Variants in NEK1 observed in about 807,000 individuals in gnomAD.
NEK1 encodes the protein serine/threonine-protein kinase Nek1.
Under a neutral mutation model 182.1 loss-of-function variants are expected in NEK1, and 137 were observed. That is an observed-to-expected ratio of 0.75 (90% CI 0.65 to 0.87). The LOEUF (loss-of-function observed/expected upper bound fraction) is 0.87. Among genes scored for constraint, NEK1 ranks in the 40% least tolerant of loss-of-function variants. The pLI, the probability that NEK1 is intolerant of heterozygous loss-of-function variation, is 0.00. For missense variants in NEK1, 1,391 were observed against 1,494.4 expected (o/e 0.93, Z 1.14); for synonymous variants, 513 against 492.2 (o/e 1.04, Z -0.56).
chr4:169,561,088 G>A (rs1322905747), intron 16 of NEK1, among the ~76,000 whole-genome samples: 2 of 152,202 alleles, frequency 1.3e-5, no homozygotes, highest in Non-Finnish European at 2.9e-5. Context: ...GGAATGGATG[G>A]TGATGAAGTT....
intron 16 of NEK1, among the ~76,000 whole-genome samples, chr4:169,560,138 G>C (rs890599285): frequency 6.6e-6 from 1 of 152,142 alleles, no homozygotes; most frequent in Non-Finnish European, 1.5e-5. Context: ...TATAATCTCA[G>C]TTCCCCTGGC....
In NEK1 at chr4:169,482,481, C is replaced by CT. The variant is rs913643124; in HGVS notation, c.2008-2948dup. ...CTAATTTTTCTTTCTTTCTTTCTTTCTTTTTTTTTTTTTAGAGACAGGTTC... is the reference window on the plus strand; with the variant it reads ...CTAATTTTTCTTTCTTTCTTTCTTTCTTTTTTTTTTTTTTAGAGACAGGTTC... On this transcript the variant is annotated intron_variant, in intron 23 of 35. Coordinates refer to ENST00000507142, the MANE Select transcript of NEK1 (RefSeq NM_001199397.3). 9.8e-3 allele frequency among the ~76,000 whole-genome samples: 1,392 copies of CT among 141,734 alleles called. 18 individuals are homozygous for CT. Among genetic ancestry groups the CT allele is most frequent in the African/African-American group, 0.029 (1,104 of 38,544 alleles). The allele number at this position is 141,734 out of a possible 152,430, so 93.0% of individuals were successfully genotyped here.
chr4:169,464,637 T>C (rs1744594778), intron 26 of NEK1, among the ~76,000 whole-genome samples: 2 of 151,984 alleles, frequency 1.3e-5, no homozygotes, highest in South Asian at 4.1e-4. Flanking sequence ...TTCTATAAAA[T>C]CTTTATGTGA....
At chr4:169,451,000 AACAG>A (rs948526085) in intron 27 of NEK1, among the ~76,000 whole-genome samples, 1 of 152,226 alleles carries the variant, frequency 6.6e-6, no homozygotes, top group Admixed American at 6.5e-5. Flanking sequence ...TCTCTGATAA[AACAG>A]ACTTTAAAGC....
At chr4:169,429,613 C>T (rs1561172020) in intron 29 of NEK1, among the ~76,000 whole-genome samples, 2 of 151,972 alleles carry the variant, frequency 1.3e-5, no homozygotes, top group Non-Finnish European at 2.9e-5. Context: ...CTTGCCCTGC[C>T]TTTTACTCAC....
At chr4:169,555,685 C>G in intron 18 of NEK1, 35 bp downstream of exon 18, 1 of 1,613,164 alleles carries the variant, frequency 6.2e-7, no homozygotes, top group Non-Finnish European at 8.5e-7. Context: ...CAAAATTACA[C>G]ACATGGATGA....
chr4:169,401,891 C>G, intron 32 of NEK1, 31 bp from the exon 33 acceptor site: 1 of 1,545,666 alleles, frequency 6.5e-7, no homozygotes, highest in Non-Finnish European at 8.8e-7. Flanking sequence ...CTAAAAGTTT[C>G]AAACATACTG....
chr4:169,477,272 A>G lies in NEK1; in HGVS notation c.2286T>C (p.Asp762=), dbSNP rs1255448663. 1 of 1,597,002 alleles carries G rather than the reference A, an allele frequency of 6.3e-7. No homozygotes were observed. The highest frequency in any genetic ancestry group is 1.7e-5 in the Admixed American group (1 of 57,782). ...CTTCATGAACATTTATCTCAAAAGT[A>G]TCAGAGAGATTCTGCTTTCCTTTTT... ...EDEKGKQNLS[D]TFEINVHEDA... The change falls in exon 26 of 36, where the codon GAT becomes GAC. Residue 762 remains aspartate, a synonymous_variant. Transcript: ENST00000507142.
At chr4:169,599,348 C>T (rs927217341) in intron 4 of NEK1, among the ~76,000 whole-genome samples, 151 bp from the exon 5 acceptor site, 5 of 152,132 alleles carry the variant, frequency 3.3e-5, no homozygotes, top group Non-Finnish European at 5.9e-5. Flanking sequence ...CAAGGTATAC[C>T]GGTCACAAAG....
At chr4:169,544,924 A>C (rs1760125463) in intron 18 of NEK1, among the ~76,000 whole-genome samples, 1 of 151,778 alleles carries the variant, frequency 6.6e-6, no homozygotes, top group African/African-American at 2.4e-5. Context: ...TCTTTAAAAA[A>C]AAACCAGCTC....
At chr4:169,600,891 T>C (rs1300832923) in intron 4 of NEK1, among the ~76,000 whole-genome samples, 1 of 152,208 alleles carries the variant, frequency 6.6e-6, no homozygotes, top group Non-Finnish European at 1.5e-5. Context: ...CACACAGATG[T>C]TTCTATGTGA....
At chr4:169,440,852 G>A (rs1354029820) in intron 27 of NEK1, among the ~76,000 whole-genome samples, 2 of 152,180 alleles carry the variant, frequency 1.3e-5, no homozygotes, top group African/African-American at 4.8e-5. Flanking sequence ...TTCTAGAGAG[G>A]AAGTTTGTGC....
intron 19 of NEK1, among the ~76,000 whole-genome samples, chr4:169,515,575 A>G: frequency 7.0e-6 from 1 of 142,036 alleles, no homozygotes; most frequent in Non-Finnish European, 1.5e-5. Flanking sequence ...ATATGTATAC[A>G]TGTGCCATGC....
At chr4:169,405,191 T>A (rs1026310633) in intron 32 of NEK1, among the ~76,000 whole-genome samples, 3 of 152,198 alleles carry the variant, frequency 2.0e-5, no homozygotes, top group Non-Finnish European at 1.5e-5. Flanking sequence ...AGAATGTGCT[T>A]ACACAAACCT....
At chr4:169,553,386 A>C (rs1761705871) in intron 18 of NEK1, among the ~76,000 whole-genome samples, 1 of 152,236 alleles carries the variant, frequency 6.6e-6, no homozygotes, top group Non-Finnish European at 1.5e-5. Flanking sequence ...CTAAAGATAA[A>C]ACATTAAACT....
At chr4:169,503,357 G>C (rs1045505432) in intron 23 of NEK1, among the ~76,000 whole-genome samples, 11 of 151,356 alleles carry the variant, frequency 7.3e-5, no homozygotes, top group Admixed American at 5.3e-4. Flanking sequence ...TTATTTTTTT[G>C]TAAAAAATAA....
At position 169,602,694 on chromosome 4, in the gene NEK1, A is replaced by G. The variant is rs1581094044; in HGVS notation, c.-48-16T>C. The G allele has an allele frequency of 1.2e-6, 1 of 843,906 alleles. No homozygotes were observed. The highest frequency in any genetic ancestry group is 2.5e-5 in the East Asian group (1 of 40,362). 52.3% of individuals were successfully genotyped at this position (843,906 alleles called of 1,614,324 possible). On this transcript the variant is annotated splice_polypyrimidine_tract_variant and intron_variant, in intron 2 of 35. Transcript: ENST00000507142. ...ATTTAAAAAACTAACAAAAAAGATAAAGCATTTATAACATGAGATAAAACA... is the reference window on the plus strand; with the variant it reads ...ATTTAAAAAACTAACAAAAAAGATAGAGCATTTATAACATGAGATAAAACA...
At chr4:169,405,860 T>C (rs1444992960) in intron 32 of NEK1, among the ~76,000 whole-genome samples, 6 of 152,170 alleles carry the variant, frequency 3.9e-5, no homozygotes, top group Admixed American at 6.5e-5. Context: ...TCCTAGCACT[T>C]TGGGAGCCCA....
intron 23 of NEK1, among the ~76,000 whole-genome samples, chr4:169,501,293 T>A (rs1385061345): frequency 6.6e-6 from 1 of 151,980 alleles, no homozygotes; most frequent in Non-Finnish European, 1.5e-5. Context: ...GACAATAATA[T>A]CATACAATAA....
Sources: allele counts gnomAD v4.1 joint callset (sites outside exome capture counted in the v4.1 genomes callset), GRCh38; gene constraint gnomAD v4.1.1; transcripts MANE v1.5; gene names NCBI Gene and HGNC (gene_info 2026-07-23, HGNC 2026-07-21).